SNX29: variants seen among roughly 807,000 people sequenced by gnomAD.
SNX29 encodes sorting nexin-29.
Under a neutral mutation model 102.1 loss-of-function variants are expected in SNX29, and 78 were observed. The observed-to-expected ratio is 0.76, with a 90% CI of 0.64 to 0.92. The LOEUF (loss-of-function observed/expected upper bound fraction) is 0.92. Ranked by LOEUF, SNX29 falls within the 40% of genes least tolerant of loss-of-function variation. The probability of loss-of-function intolerance (pLI) is 0.00; values close to 1 mark genes in which losing one functional copy is unlikely to be tolerated. For missense variants in SNX29, 1,280 were observed against 1,061.7 expected (o/e 1.21, Z -2.86); for synonymous variants, 580 against 414.5 (o/e 1.40, Z -4.85).
intron 13 of SNX29, among the ~76,000 whole-genome samples, chr16:12,148,482 T>C (rs768323591): frequency 6.6e-6 from 1 of 152,206 alleles, no homozygotes; most frequent in Admixed American, 6.5e-5. Context: ...TTAGTAGATC[T>C]TGTTTTTCTT....
In SNX29 at chr16:12,568,412, T is replaced by A. The variant is rs1458923019; in HGVS notation, c.2319-94T>A. The A allele has an allele frequency of 2.6e-6, 4 of 1,521,418 alleles. No homozygotes were observed. In the Admixed American group the frequency reaches 7.4e-5, roughly 28 times the overall value. 94.2% of individuals were successfully genotyped at this position (1,521,418 alleles called of 1,614,324 possible). On this transcript the variant is annotated intron_variant, in intron 20 of 20. Transcript: ENST00000566228. ...GAGCCAGTCACAGTTGCCAATCAGA[T>A]CCCTCCTGCCCTCACACCTGGCTCC...
intron 15 of SNX29, among the ~76,000 whole-genome samples, chr16:12,351,013 C>G (rs2081977642): frequency 6.6e-6 from 1 of 152,178 alleles, no homozygotes; most frequent in South Asian, 2.1e-4. Flanking sequence ...AGAGGGAGTG[C>G]AAAGAGCACA....
chr16:12,542,181 A>G (rs1413326614), intron 20 of SNX29, among the ~76,000 whole-genome samples: 1 of 152,144 alleles, frequency 6.6e-6, no homozygotes, highest in Non-Finnish European at 1.5e-5. Flanking sequence ...GCCCTGTGCT[A>G]AGCCTTTTCC....
chr16:12,116,281 C>G (rs1183006657), intron 11 of SNX29, among the ~76,000 whole-genome samples: 15 of 152,160 alleles, frequency 9.9e-5, no homozygotes, highest in Admixed American at 9.8e-4. Flanking sequence ...ATCACAATCT[C>G]CAAAAGGTGG....
chr16:12,166,793 A>G (rs1278520418), intron 13 of SNX29, among the ~76,000 whole-genome samples: 1 of 152,212 alleles, frequency 6.6e-6, no homozygotes, highest in Non-Finnish European at 1.5e-5. Context: ...GTCATGATCC[A>G]CTTTCATTCA....
At chr16:12,053,353 T>C (rs2050387036) in intron 8 of SNX29, 1 of 148,928 alleles carries the variant, frequency 6.7e-6, no homozygotes, top group Admixed American at 6.7e-5. Flanking sequence ...GGCTTTGTGG[T>C]GCGCAGTGCC....
chr16:12,050,126 G>A (rs895857861), intron 7 of SNX29, among the ~76,000 whole-genome samples: 2 of 152,176 alleles, frequency 1.3e-5, no homozygotes, highest in African/African-American at 4.8e-5. Context: ...TGACAGCTTT[G>A]TGTAACAGAC....
At chr16:12,546,280 C>G (rs955238728) in intron 20 of SNX29, 1 of 152,202 alleles carries the variant, frequency 6.6e-6, no homozygotes, top group Non-Finnish European at 1.5e-5. Context: ...AGTCCGTTTT[C>G]ACAGTGCTGA....
At chr16:12,332,079 A>AAG (rs2081306328) in intron 15 of SNX29, among the ~76,000 whole-genome samples, 1 of 152,076 alleles carries the variant, frequency 6.6e-6, no homozygotes, top group African/African-American at 2.4e-5. Context: ...ATAATAATAA[A>AAG]GAAATAATTT....
chr16:12,109,010 C>G (rs903396700), intron 11 of SNX29, among the ~76,000 whole-genome samples: 1 of 151,052 alleles, frequency 6.6e-6, no homozygotes, highest in Non-Finnish European at 1.5e-5. Flanking sequence ...CTCCTGTAAC[C>G]CCAGCTACTT....
At chr16:12,206,993 A>G (rs2142011576) in intron 14 of SNX29, among the ~76,000 whole-genome samples, 1 of 152,212 alleles carries the variant, frequency 6.6e-6, no homozygotes. Flanking sequence ...GACACTGTAA[A>G]TTAATCAAGG....
chr16:12,474,001 C>G (rs1011856775), intron 18 of SNX29, among the ~76,000 whole-genome samples: 1 of 152,176 alleles, frequency 6.6e-6, no homozygotes, highest in East Asian at 1.9e-4. Flanking sequence ...TTTCATTTTA[C>G]TCTACAGACT....
At chr16:12,154,894 C>T (rs1045423454) in intron 13 of SNX29, among the ~76,000 whole-genome samples, 21 of 152,212 alleles carry the variant, frequency 1.4e-4, no homozygotes, top group Non-Finnish European at 2.6e-4. Context: ...ACCATAGGCT[C>T]TTTAAAATGC....
chr16:12,273,602 C>T (rs759273786), intron 14 of SNX29, among the ~76,000 whole-genome samples: 5 of 152,156 alleles, frequency 3.3e-5, no homozygotes, highest in African/African-American at 9.7e-5. Context: ...AGGTGATCTG[C>T]CCACCTCAAC....
At chr16:12,094,099 C>G (rs1040724633) in intron 11 of SNX29, among the ~76,000 whole-genome samples, 1 of 152,180 alleles carries the variant, frequency 6.6e-6, no homozygotes, top group Non-Finnish European at 1.5e-5. Flanking sequence ...GTTATTTAAG[C>G]TAACTGTGCC....
chr16:12,170,566 G>T (rs1479508335), intron 13 of SNX29, among the ~76,000 whole-genome samples: 2 of 151,902 alleles, frequency 1.3e-5, no homozygotes, highest in Admixed American at 6.6e-5. Flanking sequence ...TGTTCGTGGG[G>T]CTGTGGGGGT....
chr16:12,540,719 A>G (rs118030089), intron 20 of SNX29, among the ~76,000 whole-genome samples: 2,153 of 152,298 alleles, frequency 0.014, 29 homozygotes, highest in Non-Finnish European at 0.021. Flanking sequence ...CGCTCCAGGG[A>G]TGAAGAGCTG....
chr16:12,272,285 A>G (rs946217840), intron 14 of SNX29, among the ~76,000 whole-genome samples: 1 of 152,052 alleles, frequency 6.6e-6, no homozygotes, highest in African/African-American at 2.4e-5. Context: ...CGTGATTGCT[A>G]ATGAGATGTG....
chr16:12,391,965 G>C (rs1027381896), intron 16 of SNX29, among the ~76,000 whole-genome samples: 1 of 152,234 alleles, frequency 6.6e-6, no homozygotes, highest in Non-Finnish European at 1.5e-5. Context: ...GATAGGAATA[G>C]ATCATCGTCT....
Sources: gnomAD v4.1 joint callset for allele counts (sites outside exome capture counted in the v4.1 genomes callset) on GRCh38, gnomAD v4.1.1 for gene constraint, MANE v1.5 for transcripts, NCBI Gene and HGNC (gene_info 2026-07-23, HGNC 2026-07-21) for gene names.